Variants in PALM observed in about 807,000 individuals in gnomAD.
PALM encodes the protein paralemmin.
Under a neutral mutation model 30.7 loss-of-function variants are expected in PALM, and 18 were observed. That is an observed-to-expected ratio of 0.59 (90% confidence interval 0.41 to 0.87). The LOEUF (loss-of-function observed/expected upper bound fraction) is 0.87, where lower values mean the gene tolerates loss of function less well. Ranked by LOEUF, PALM falls within the 40% of genes least tolerant of loss-of-function variation. PALM has a pLI of 0.00. For synonymous variants in PALM, 286 were observed against 242.8 expected (o/e 1.18, Z -1.66); for missense variants, 529 against 555.4 (o/e 0.95, Z 0.48).
rs935437086 is a variant in PALM at position 742,596 on chromosome 19, ACT to A, written c.634+2116_634+2117del. Among the ~76,000 whole-genome samples the A allele has an allele frequency of 2.9e-5, 4 of 136,484 alleles. No individual in the cohort carries two copies. The highest frequency in any genetic ancestry group is 4.8e-5 in the Non-Finnish European group (3 of 63,096). The allele number at this position is 136,484 out of a possible 152,430, so 89.5% of individuals were successfully genotyped here. A position where few individuals can be genotyped will look rare whatever the true frequency, so the allele number is the denominator to read the frequency against. ...CTCCAGCCTGTGCGACAAGAGTGAA[ACT>A]CTGTCTCAAAAAAAAAAAAAAGAAA... On this transcript the variant is annotated intron_variant, in intron 8 of 8. Coordinates refer to ENST00000338448, the MANE Select transcript of PALM (RefSeq NM_002579.3). The surrounding 1 kb of genome is among the most constrained non-coding windows in gnomAD (Gnocchi z 5.5).
intron 8 of PALM, among the ~76,000 whole-genome samples, chr19:745,514 T>C (rs1390403262): frequency 1.4e-5 from 2 of 143,426 alleles, no homozygotes; most frequent in Non-Finnish European, 3.1e-5. Context: ...GCCAACATAG[T>C]GAAACCCCAG....
chr19:725,876 C>G (rs111789153), intron 1 of PALM, among the ~76,000 whole-genome samples: 252 of 152,238 alleles, frequency 1.7e-3, no homozygotes, highest in African/African-American at 5.6e-3. Context: ...CCTATGTATC[C>G]TTGGTGGCCC....
At chr19:740,968 CAA>C (rs60937470) in intron 8 of PALM, among the ~76,000 whole-genome samples, 30 of 93,792 alleles carry the variant, frequency 3.2e-4, no homozygotes, top group East Asian at 7.9e-4. Context: ...CCGTCTCTAC[CAA>C]AAAAAAAAAA....
intron 1 of PALM, among the ~76,000 whole-genome samples, chr19:721,612 T>C (rs1599142521): frequency 6.6e-6 from 1 of 151,824 alleles, no homozygotes; most frequent in Non-Finnish European, 1.5e-5. Flanking sequence ...TGTTTTGTTT[T>C]TTGAGACAGA....
chr19:743,240 C>G (rs1030950396), intron 8 of PALM, among the ~76,000 whole-genome samples: 1 of 152,166 alleles, frequency 6.6e-6, no homozygotes, highest in Non-Finnish European at 1.5e-5. Context: ...AGCTCTAGCT[C>G]TCCCCAGCTG....
rs750299784 is a variant in PALM at position 746,279 on chromosome 19, G to A, written c.635-6G>A. On this transcript the variant is annotated splice_region_variant and splice_polypyrimidine_tract_variant and intron_variant, in intron 8 of 8. Transcript: ENST00000338448. The surrounding 1 kb of genome is among the most constrained non-coding windows in gnomAD (Gnocchi z 7.1). ...TGGGTCATTCTCTCTGTCTCTCCTTGTACAGTGGTCCATGCTGTGGACGGC... is the reference window on the plus strand; with the variant it reads ...TGGGTCATTCTCTCTGTCTCTCCTTATACAGTGGTCCATGCTGTGGACGGC... 1 of 1,610,916 alleles carries A rather than the reference G, an allele frequency of 6.2e-7. No homozygotes were observed. Among genetic ancestry groups the A allele is most frequent in the Non-Finnish European group, 8.5e-7 (1 of 1,178,358 alleles).
intron 5 of PALM, among the ~76,000 whole-genome samples, chr19:732,797 G>A (rs1032623833): frequency 3.0e-4 from 45 of 152,216 alleles, no homozygotes; most frequent in Admixed American, 1.8e-3. Flanking sequence ...TGGTCAGGCC[G>A]AAGAGGTGGG....
intron 1 of PALM, among the ~76,000 whole-genome samples, chr19:724,310 T>G (rs2144872838): frequency 6.6e-6 from 1 of 152,154 alleles, no homozygotes; most frequent in South Asian, 2.1e-4. Flanking sequence ...GTGGTATTCA[T>G]TCATTCATTT....
intron 1 of PALM, chr19:711,285 C>G: frequency 1.8e-6 from 1 of 569,096 alleles, no homozygotes; most frequent in Middle Eastern, 8.9e-4. Context: ...GTGGCCCCTG[C>G]GTGACACATG....
intron 7 of PALM, 81 bp from the exon 8 acceptor site, chr19:740,271 C>T: frequency 2.1e-6 from 3 of 1,400,944 alleles, no homozygotes; most frequent in Non-Finnish European, 2.9e-6. Context: ...GCTGGCTCCC[C>T]CCTCCCTGGC....
In PALM at chr19:747,887, T is replaced by C. The variant is rs1044239966; in HGVS notation, c.*1073T>C. ...TGGAAGTGGCAAGGGGCTTCCCTCC[T>C]GGGGGCAGCTACACTCGTCCCCAGA... On this transcript the variant is annotated 3_prime_UTR_variant, in exon 9 of 9. Transcript: ENST00000338448. 1 of 152,582 alleles carries C rather than the reference T, an allele frequency of 6.6e-6. No individual in the cohort carries two copies. The highest frequency in any genetic ancestry group is 2.4e-5 in the African/African-American group (1 of 41,436). The allele number at this position is 152,582 out of a possible 1,614,324, so 9.5% of individuals were successfully genotyped here. A position where few individuals can be genotyped will look rare whatever the true frequency, so the allele number is the denominator to read the frequency against.
chr19:711,206 G>A, intron 1 of PALM: 2 of 984,002 alleles, frequency 2.0e-6, no homozygotes, highest in Non-Finnish European at 2.4e-6. Context: ...AAGGTGAGGA[G>A]AACGTCCAGG....
intron 4 of PALM, among the ~76,000 whole-genome samples, chr19:729,048 G>T (rs967567776): frequency 3.3e-5 from 5 of 151,758 alleles, no homozygotes; most frequent in East Asian, 2.0e-4. Flanking sequence ...GACATGCTGG[G>T]CGTGGGTGGG....
At chr19:745,334 A>G (rs971199246) in intron 8 of PALM, among the ~76,000 whole-genome samples, 1 of 152,162 alleles carries the variant, frequency 6.6e-6, no homozygotes, top group African/African-American at 2.4e-5. Context: ...CATTTTTGCT[A>G]TCTTTACAGC....
At chr19:712,972 G>A (rs1263367521) in intron 1 of PALM, among the ~76,000 whole-genome samples, 4 of 152,174 alleles carry the variant, frequency 2.6e-5, no homozygotes, top group African/African-American at 7.2e-5. Context: ...CACCGTGCAC[G>A]GCCCACTCCC....
At chr19:717,086 C>T (rs563020393) in intron 1 of PALM, among the ~76,000 whole-genome samples, 4 of 152,252 alleles carry the variant, frequency 2.6e-5, no homozygotes, top group Non-Finnish European at 4.4e-5. Context: ...CGTGCCACCA[C>T]GCCCGGCTAA....
Position 746,173 on chromosome 19 carries a change from G to T in PALM, c.635-112G>T. ...AATCTAGTTCGTGATTTCCTCTTTA[G>T]CCTGGAGGAGGATACAAGCCTTGCC... On this transcript the variant is annotated intron_variant, in intron 8 of 8. Transcript: ENST00000338448. This position sits in a 1 kb window ranked among gnomAD's most constrained non-coding sequence, Gnocchi z 7.1. The T allele has an allele frequency of 1.3e-6, 1 of 749,184 alleles. No homozygotes were observed. The highest frequency in any genetic ancestry group is 2.2e-6 in the Non-Finnish European group (1 of 445,650). 46.4% of individuals were successfully genotyped at this position (749,184 alleles called of 1,614,324 possible). A position where few individuals can be genotyped will look rare whatever the true frequency, so the allele number is the denominator to read the frequency against.
chr19:740,013 TG>T (rs1278347484), intron 7 of PALM, among the ~76,000 whole-genome samples: 2 of 152,188 alleles, frequency 1.3e-5, no homozygotes, highest in Non-Finnish European at 2.9e-5. Flanking sequence ...CCAGATGGGC[TG>T]GGCTGGAACC....
chr19:722,131 G>A (rs10404753), intron 1 of PALM, among the ~76,000 whole-genome samples: 8 of 151,188 alleles, frequency 5.3e-5, no homozygotes, highest in South Asian at 2.1e-4. Flanking sequence ...TGTTAGCCAG[G>A]ATGGTCTCGA....
Sources: allele counts gnomAD v4.1 joint callset (sites outside exome capture counted in the v4.1 genomes callset), GRCh38; gene constraint gnomAD v4.1.1; non-coding constraint Gnocchi (gnomAD v3.1); transcripts MANE v1.5; gene names NCBI Gene and HGNC (gene_info 2026-07-23, HGNC 2026-07-21).